Variants in KCNMA1 observed in about 807,000 individuals in gnomAD.
KCNMA1 encodes the protein Calcium-activated potassium channel subunit alpha-1.
A neutral mutation model predicts 140.0 loss-of-function variants in KCNMA1; 29 were observed. That is an observed-to-expected ratio of 0.21 (90% confidence interval 0.15 to 0.28). The LOEUF is 0.28. Ranked by LOEUF, KCNMA1 falls within the 10% of genes least tolerant of loss-of-function variation. The pLI is 1.00. For missense variants in KCNMA1, 880 were observed against 1,602.2 expected, an observed-to-expected ratio of 0.55 and a Z score of 7.70; for synonymous variants, 612 against 611.9, an observed-to-expected ratio of 1.00 and a Z score of 0.00.
intron 14 of KCNMA1, among the ~76,000 whole-genome samples, chr10:77,056,658 A>C (rs1215047118): frequency 1.3e-5 from 2 of 152,172 alleles, no homozygotes; most frequent in Non-Finnish European, 1.5e-5. Flanking sequence ...AGCAACTACT[A>C]TTTCCCGATA....
chr10:77,133,337 C>A (rs2097904745), intron 5 of KCNMA1, among the ~76,000 whole-genome samples: 1 of 151,762 alleles, frequency 6.6e-6, no homozygotes, highest in Non-Finnish European at 1.5e-5. Context: ...GACAGAGATT[C>A]ACATGATATG....
intron 2 of KCNMA1, chr10:77,354,362 G>C (rs7918140): frequency 0.24 from 36,206 of 152,194 alleles, 5,459 homozygotes; most frequent in Non-Finnish European, 0.35. Context: ...TTCACACACT[G>C]TTTGTCACCA....
intron 2 of KCNMA1, among the ~76,000 whole-genome samples, chr10:77,376,186 A>G (rs2095090537): frequency 6.6e-6 from 1 of 152,182 alleles, no homozygotes; most frequent in Non-Finnish European, 1.5e-5. Context: ...CTGTGGTGCT[A>G]TGACCACCCA....
chr10:77,305,101 C>T (rs780216166), intron 2 of KCNMA1, among the ~76,000 whole-genome samples: 1 of 152,158 alleles, frequency 6.6e-6, no homozygotes, highest in Non-Finnish European at 1.5e-5. Flanking sequence ...CACTGAGAAG[C>T]ACCATGTCTG....
In KCNMA1 at chr10:76,884,993, G is replaced by T; in HGVS notation, c.*2273C>A. On this transcript the variant is annotated 3_prime_UTR_variant, in exon 28 of 28. Coordinates refer to ENST00000286628, the MANE Select transcript of KCNMA1 (RefSeq NM_001161352.2). ...CAGAACCATTAATTGTCATACCTTGGCCCATTCTATTCATCCTTGTTGCAC... is the reference window on the plus strand; with the variant it reads ...CAGAACCATTAATTGTCATACCTTGTCCCATTCTATTCATCCTTGTTGCAC... 1 of 1,547,866 alleles carries T rather than the reference G, an allele frequency of 6.5e-7. No individual in the cohort carries two copies. The highest frequency in any genetic ancestry group is 1.4e-5 in the African/African-American group (1 of 72,902).
intron 2 of KCNMA1, among the ~76,000 whole-genome samples, chr10:77,323,193 C>T (rs2082869979): frequency 6.6e-6 from 1 of 152,192 alleles, no homozygotes; most frequent in Non-Finnish European, 1.5e-5. Context: ...ATTCTATTAG[C>T]TCAGCAGAAT....
rs184872035 is a variant in KCNMA1, at chr10:77,218,547, T to C, written c.602+32648A>G. Among the ~76,000 whole-genome samples, 258 of 152,100 alleles carry C rather than the reference T, an allele frequency of 1.7e-3. No individual in the cohort carries two copies. The Middle Eastern group carries it at 0.02, about 12-fold the overall frequency. ...ATTTTCACTTGCACCCCAGTAGAAG[T>C]CTCCTCTGAGCTAAGGGTCACCACC... On this transcript the variant is annotated intron_variant, in intron 3 of 27. Transcript: ENST00000286628.
rs186517188 is a variant in KCNMA1, at chr10:77,521,768, C to A, written c.378+115497G>T. ...ACTCGGTTGAATGAATGACACCCACCCCAGTTTCTCACCCCATCTCCCAAC... is the reference window on the plus strand; with the variant it reads ...ACTCGGTTGAATGAATGACACCCACACCAGTTTCTCACCCCATCTCCCAAC... On this transcript the variant is annotated intron_variant, in intron 1 of 27. Transcript: ENST00000286628. Among the ~76,000 whole-genome samples the A allele has an allele frequency of 4.6e-5, 7 of 152,274 alleles. No individual in the cohort carries two copies. The East Asian group carries it at 1.4e-3, about 29-fold the overall frequency.
At chr10:76,979,508 A>G (rs1454787876) in intron 19 of KCNMA1, 1 of 152,068 alleles carries the variant, frequency 6.6e-6, no homozygotes, top group Non-Finnish European at 1.5e-5. Context: ...TCAAATAGCC[A>G]TGACTGGCAG....
rs111382373 is a variant in KCNMA1 at position 77,631,550 on chromosome 10, G to A, written c.378+5715C>T. On this transcript the variant is annotated intron_variant, in intron 1 of 27. Transcript: ENST00000286628. The stretch of plus-strand genomic sequence containing the variant: ...AGCATGGTCACTGCCAGTGTGAGCC[G>A]GGACGCCCACTTTGGGAAGGAGGTC... Among the ~76,000 whole-genome samples, 745 of 152,308 alleles carry A rather than the reference G, an allele frequency of 4.9e-3. 3 individuals are homozygous for A. Among genetic ancestry groups the A allele is most frequent in the Non-Finnish European group, 7.5e-3 (507 of 68,024 alleles).
At chr10:77,258,464 G>C (rs1460717544) in intron 2 of KCNMA1, among the ~76,000 whole-genome samples, 1 of 152,156 alleles carries the variant, frequency 6.6e-6, no homozygotes, top group East Asian at 1.9e-4. Context: ...AGAAAATTGA[G>C]TGGTGGTCTG....
chr10:77,051,249 G>A (rs2095353933), intron 14 of KCNMA1, among the ~76,000 whole-genome samples: 1 of 152,086 alleles, frequency 6.6e-6, no homozygotes, highest in Non-Finnish European at 1.5e-5. Context: ...CATACAATAT[G>A]GCCTAATAAA....
At position 77,071,912 on chromosome 10, in the gene KCNMA1, C is replaced by T. The variant is rs534061807; in HGVS notation, c.1749+1185G>A. On this transcript the variant is annotated intron_variant, in intron 14 of 27. Coordinates refer to ENST00000286628, the MANE Select transcript of KCNMA1 (RefSeq NM_001161352.2). ...AAAACTCCTGCTCTAAATAATATCA[C>T]TCATAGGTGCCCAAGGTGAGCACCA... Among the ~76,000 whole-genome samples, 8 of 152,332 alleles carry T rather than the reference C, an allele frequency of 5.3e-5. No individual in the cohort carries two copies. In the South Asian group the frequency reaches 1.7e-3, roughly 32 times the overall value.
chr10:77,493,296 T>G (rs1157814086), intron 1 of KCNMA1, among the ~76,000 whole-genome samples: 2 of 152,120 alleles, frequency 1.3e-5, no homozygotes, highest in Admixed American at 1.3e-4. Context: ...AAAGCAGAAG[T>G]AAGGCAGCAG....
chr10:77,365,453 T>A (rs2094287138), intron 2 of KCNMA1, among the ~76,000 whole-genome samples: 1 of 152,302 alleles, frequency 6.6e-6, no homozygotes, highest in Middle Eastern at 3.4e-3. Context: ...GATGTTATGA[T>A]CCTAGAGAGT....
chr10:76,879,496 C>T (rs1290366927), intron 29 of KCNMA1, among the ~76,000 whole-genome samples: 1 of 152,100 alleles, frequency 6.6e-6, no homozygotes, highest in African/African-American at 2.4e-5. Flanking sequence ...GATAAAGTTA[C>T]AATCTGTTCT....
chr10:77,634,780 AACACAC>A (rs57378692), intron 1 of KCNMA1: 249 of 154,002 alleles, frequency 1.6e-3, no homozygotes, highest in Middle Eastern at 3.3e-3. Flanking sequence ...AAAAAAGACA[AACACAC>A]ACACACACAC....
chr10:77,440,463 C>A (rs1046804942), intron 1 of KCNMA1, among the ~76,000 whole-genome samples: 1 of 152,194 alleles, frequency 6.6e-6, no homozygotes. Flanking sequence ...CAAAACGCTG[C>A]TTGCTAGAGA....
intron 1 of KCNMA1, among the ~76,000 whole-genome samples, chr10:77,417,984 T>C (rs2096780221): frequency 1.3e-5 from 2 of 152,170 alleles, no homozygotes; most frequent in South Asian, 4.1e-4. Context: ...CTCCCTGGAC[T>C]CTGCCTCTGA....
Sources: allele counts gnomAD v4.1 joint callset (sites outside exome capture counted in the v4.1 genomes callset), GRCh38; gene constraint gnomAD v4.1.1; transcripts MANE v1.5; gene names NCBI Gene and HGNC (gene_info 2026-07-23, HGNC 2026-07-21).